The following ATP2B2 variants were observed in gnomAD, a reference collection of about 807,000 sequenced individuals.
The protein encoded by ATP2B2 is ATPase plasma membrane Ca2+ transporting 2, also known as plasma membrane calcium-transporting ATPase 2.
In ATP2B2, 15 loss-of-function variants were observed where a neutral mutation model predicts 120.0. That is an observed-to-expected ratio of 0.12 (90% confidence interval 0.08 to 0.19). The LOEUF (loss-of-function observed/expected upper bound fraction) is 0.19, where lower values mean the gene tolerates loss of function less well. Ranked by LOEUF, ATP2B2 falls within the 10% of genes least tolerant of loss-of-function variation. ATP2B2 has a pLI of 1.00. For synonymous variants in ATP2B2, 694 were observed against 700.3 expected, an observed-to-expected ratio of 0.99 and a Z score of 0.14; for missense variants, 1,045 against 1,719.8, an observed-to-expected ratio of 0.61 and a Z score of 6.94.
At chr3:10,625,031 T>C (rs1865396) in intron 1 of ATP2B2, among the ~76,000 whole-genome samples, 21,206 of 152,158 alleles carry the variant, frequency 0.14, 1,838 homozygotes, top group East Asian at 0.27. Flanking sequence ...AATGTCCTTC[T>C]GAAATCTGAA....
At chr3:10,401,143 T>C in intron 4 of ATP2B2, 65 bp from the exon 5 acceptor site, 1 of 1,596,324 alleles carries the variant, frequency 6.3e-7, no homozygotes, top group Non-Finnish European at 8.6e-7. Context: ...GAACATTCCC[T>C]TAAAGGTGCG....
At chr3:10,693,017 A>T (rs1038053009) in intron 1 of ATP2B2, among the ~76,000 whole-genome samples, 1 of 152,210 alleles carries the variant, frequency 6.6e-6, no homozygotes, top group East Asian at 1.9e-4. Flanking sequence ...GGGGGCAGAT[A>T]GAAGATGTAT....
At chr3:10,357,313 T>G (rs775207300) in intron 14 of ATP2B2, among the ~76,000 whole-genome samples, 15 of 152,060 alleles carry the variant, frequency 9.9e-5, no homozygotes, top group Non-Finnish European at 2.1e-4. Flanking sequence ...TCAGAGAGGT[T>G]ATGTAACTGG....
chr3:10,372,732 T>G (rs1030724040), intron 11 of ATP2B2, among the ~76,000 whole-genome samples: 1 of 151,150 alleles, frequency 6.6e-6, no homozygotes, highest in African/African-American at 2.4e-5. Flanking sequence ...ATCAACATCC[T>G]TTTTTTTTGA....
chr3:10,328,965 G>A lies in ATP2B2; in HGVS notation c.3581C>T (p.Ala1194Val), dbSNP rs768817061. 7 of 1,613,952 alleles carry A rather than the reference G, an allele frequency of 4.3e-6. No individual in the cohort carries two copies. Among genetic ancestry groups the A allele is most frequent in the East Asian group, 2.2e-5 (1 of 44,862 alleles). ...CGGGCTCGAGTTCTGCTTGAGCGCG[G>A]CATCTTCTTCCAGGTCGGTGTCATC... ...LIDDTDLEEDAALKQNSSPPS... is the reference protein window; with the variant it reads ...LIDDTDLEEDVALKQNSSPPS... Residue 1194 changes from alanine to valine, a missense_variant, in exon 23 of 23, where the codon GCC becomes GTC. Ala to Val is a moderately conservative substitution (Grantham distance 64). This residue lies in a region of ATP2B2 where 211 missense variants were observed against 385.1 expected (regional missense o/e 0.55). Transcript: ENST00000360273.
chr3:10,513,217 G>A (rs1218232059), intron 3 of ATP2B2, among the ~76,000 whole-genome samples: 1 of 152,210 alleles, frequency 6.6e-6, no homozygotes. Context: ...GTTTCCTCGA[G>A]GGGGTGATGA....
At chr3:10,471,941 T>C (rs1007410015) in intron 1 of ATP2B2, among the ~76,000 whole-genome samples, 79 of 150,360 alleles carry the variant, frequency 5.3e-4, no homozygotes, top group Middle Eastern at 3.5e-3. Flanking sequence ...ATTAGCCGGG[T>C]GTGGTGGCGG....
chr3:10,399,951 T>A (rs1366960170), intron 5 of ATP2B2, among the ~76,000 whole-genome samples: 2 of 152,234 alleles, frequency 1.3e-5, no homozygotes, highest in Non-Finnish European at 2.9e-5. Context: ...CCCAAGGACA[T>A]TCAGGCTAGG....
intron 2 of ATP2B2, among the ~76,000 whole-genome samples, chr3:10,602,937 G>A (rs185914553): frequency 1.3e-5 from 2 of 152,270 alleles, no homozygotes; most frequent in African/African-American, 4.8e-5. Flanking sequence ...TCTCTGAACT[G>A]AGCCTCCTTC....
At chr3:10,457,443 G>T (rs1262441473) in intron 1 of ATP2B2, among the ~76,000 whole-genome samples, 1 of 152,126 alleles carries the variant, frequency 6.6e-6, no homozygotes, top group African/African-American at 2.4e-5. Flanking sequence ...ACCGTGCTTT[G>T]TGTGTGGGAA....
At chr3:10,397,224 G>A in intron 5 of ATP2B2, among the ~76,000 whole-genome samples, 1 of 152,218 alleles carries the variant, frequency 6.6e-6, no homozygotes, top group East Asian at 1.9e-4. Flanking sequence ...CCTCCTGAGA[G>A]CTTCCAGTTC....
chr3:10,429,137 C>T (rs2063232729), intron 2 of ATP2B2, among the ~76,000 whole-genome samples: 1 of 152,284 alleles, frequency 6.6e-6, no homozygotes, highest in African/African-American at 2.4e-5. Context: ...CTCCACTTTG[C>T]ATCCTCCGGG....
chr3:10,481,308 C>T (rs148078369), intron 1 of ATP2B2, among the ~76,000 whole-genome samples: 71 of 152,010 alleles, frequency 4.7e-4, no homozygotes, highest in African/African-American at 1.5e-3. Flanking sequence ...CCTCACCCCA[C>T]CCCCTCTCTT....
At chr3:10,666,094 T>A (rs959142521) in intron 1 of ATP2B2, among the ~76,000 whole-genome samples, 3 of 152,226 alleles carry the variant, frequency 2.0e-5, no homozygotes, top group African/African-American at 7.2e-5. Context: ...AGAGCTTTCC[T>A]GCAGCATGCA....
chr3:10,555,945 C>CT (rs560817304), intron 2 of ATP2B2, among the ~76,000 whole-genome samples: 4 of 152,204 alleles, frequency 2.6e-5, no homozygotes, highest in Non-Finnish European at 5.9e-5. Context: ...GTCACCCAGG[C>CT]TGGAGTGCAG....
intron 1 of ATP2B2, among the ~76,000 whole-genome samples, chr3:10,659,811 C>T (rs1369580934): frequency 1.3e-5 from 2 of 152,194 alleles, no homozygotes; most frequent in African/African-American, 2.4e-5. Context: ...AGCACCACAT[C>T]GCACTTATTC....
upstream of ATP2B2, among the ~76,000 whole-genome samples, chr3:10,506,113 C>T (rs2066617379): frequency 2.0e-5 from 3 of 152,054 alleles, no homozygotes; most frequent in Non-Finnish European, 2.9e-5. Flanking sequence ...CACCCCCAGA[C>T]CTGGGGGGCA....
At chr3:10,496,241 A>C (rs1211224946) in intron 1 of ATP2B2, among the ~76,000 whole-genome samples, 1 of 152,212 alleles carries the variant, frequency 6.6e-6, no homozygotes. Flanking sequence ...CCAAATCCAC[A>C]TAACAGAGTG....
intron 1 of ATP2B2, among the ~76,000 whole-genome samples, chr3:10,496,758 C>A (rs1308109100): frequency 1.3e-5 from 2 of 152,176 alleles, no homozygotes; most frequent in African/African-American, 4.8e-5. Flanking sequence ...TCTCAGGGGG[C>A]CCATCTGGCT....
Sources: allele counts gnomAD v4.1 joint callset (sites outside exome capture counted in the v4.1 genomes callset), GRCh38; gene constraint gnomAD v4.1.1; regional missense constraint gnomAD v4.1.1; transcripts MANE v1.5; gene names NCBI Gene and HGNC (gene_info 2026-07-23, HGNC 2026-07-21).